ZDHHC18: variants seen among roughly 807,000 people sequenced by gnomAD.
ZDHHC18 encodes palmitoyltransferase ZDHHC18.
In ZDHHC18, 23 loss-of-function variants were observed where a neutral mutation model predicts 37.5. The ratio of observed to expected loss-of-function variants is 0.61; its 90% CI spans 0.44 to 0.87. The LOEUF (loss-of-function observed/expected upper bound fraction) is 0.87. Ranked by LOEUF, ZDHHC18 falls within the 40% of genes least tolerant of loss-of-function variation. The pLI is 0.00. For synonymous variants in ZDHHC18, 185 were observed against 218.7 expected (o/e 0.85, Z 1.36); for missense variants, 406 against 525.6 (o/e 0.77, Z 2.22).
chr1:26,852,876 G>T lies in ZDHHC18; in HGVS notation c.1049+11G>T, dbSNP rs148310742. On this transcript the variant is annotated intron_variant, in intron 7 of 7. Transcript: ENST00000374142. The stretch of plus-strand genomic sequence containing the variant: ...CCCCCTACCTCCCAGGTAAGTGAGC[G>T]GGGTGCGGAAGAGGGGTAACAGGGC... The T allele has an allele frequency of 6.2e-7, 1 of 1,612,844 alleles. No homozygotes were observed. Among genetic ancestry groups the T allele is most frequent in the East Asian group, 2.2e-5 (1 of 44,870 alleles).
intron 6 of ZDHHC18, among the ~76,000 whole-genome samples, chr1:26,851,734 C>CT (rs1267647223): frequency 2.0e-5 from 3 of 152,226 alleles, no homozygotes; most frequent in African/African-American, 4.8e-5. Flanking sequence ...CACACTGCCC[C>CT]TGTCAGCAGC....
intron 2 of ZDHHC18, among the ~76,000 whole-genome samples, chr1:26,840,673 C>T (rs1179222228): frequency 6.6e-6 from 1 of 152,096 alleles, no homozygotes; most frequent in African/African-American, 2.4e-5. Flanking sequence ...AACTCCTGAC[C>T]TCAGGTGATC....
chr1:26,840,866 C>T (rs1396507256), intron 2 of ZDHHC18, among the ~76,000 whole-genome samples: 4 of 151,996 alleles, frequency 2.6e-5, no homozygotes. Context: ...TTCAACTTTC[C>T]CTTCAACTGT....
intron 2 of ZDHHC18, among the ~76,000 whole-genome samples, chr1:26,847,654 A>G: frequency 6.6e-6 from 1 of 151,736 alleles, no homozygotes. Flanking sequence ...TTTAATTTAG[A>G]ATCATCTCCT....
At position 26,857,351 on chromosome 1, in the gene ZDHHC18, C is replaced by T. The variant is rs1178825838; in HGVS notation, c.*3508C>T. 6.6e-6 allele frequency: 1 copy of T among 152,178 alleles called. No individual in the cohort carries two copies. The highest frequency in any genetic ancestry group is 2.4e-5 in the African/African-American group (1 of 41,422). 9.4% of individuals were successfully genotyped at this position (152,178 alleles called of 1,614,324 possible). ...TAAGCACAACTGGCTTGATACTGTT[C>T]CCACGGCCTGTCCACCTCCCACCCC... On this transcript the variant is annotated 3_prime_UTR_variant, in exon 8 of 8. Coordinates refer to ENST00000374142, the MANE Select transcript of ZDHHC18 (RefSeq NM_032283.3).
intron 2 of ZDHHC18, among the ~76,000 whole-genome samples, chr1:26,845,082 G>A (rs1403553519): frequency 6.6e-6 from 1 of 151,782 alleles, no homozygotes; most frequent in Non-Finnish European, 1.5e-5. Flanking sequence ...GCGCCACCAT[G>A]CCCGGCTAAT....
rs2081727389 is a variant in ZDHHC18, at chr1:26,855,137, A to C, written c.*1294A>C. 6.6e-6 allele frequency: 1 copy of C among 152,326 alleles called. No homozygotes were observed. Among genetic ancestry groups the C allele is most frequent in the Non-Finnish European group, 1.5e-5 (1 of 68,110 alleles). 9.4% of individuals were successfully genotyped at this position (152,326 alleles called of 1,614,324 possible). The stretch of plus-strand genomic sequence containing the variant: ...TGAGGCTTCCAGCTGGGACCTGCCC[A>C]GACAGGCTGAGCCTGGGCGTGGTGG... On this transcript the variant is annotated 3_prime_UTR_variant, in exon 8 of 8. Coordinates refer to ENST00000374142, the MANE Select transcript of ZDHHC18 (RefSeq NM_032283.3).
intron 5 of ZDHHC18, 23 bp from the exon 6 acceptor site, chr1:26,851,106 T>G: frequency 6.2e-7 from 1 of 1,608,766 alleles, no homozygotes; most frequent in Admixed American, 1.7e-5. Context: ...CCTCCACCCA[T>G]TGAAGTCCTT....
intron 2 of ZDHHC18, among the ~76,000 whole-genome samples, chr1:26,845,676 C>T (rs2081660683): frequency 6.6e-6 from 1 of 151,804 alleles, no homozygotes; most frequent in South Asian, 2.1e-4. Flanking sequence ...ACTCTTCATT[C>T]TCTTAATGAT....
chr1:26,849,649 C>T (rs1370839379), intron 3 of ZDHHC18, among the ~76,000 whole-genome samples: 2 of 152,236 alleles, frequency 1.3e-5, no homozygotes, highest in East Asian at 1.9e-4. Flanking sequence ...TGTGCCTCCA[C>T]CCCCGGGGAC....
At chr1:26,847,618 C>T (rs1330673466) in intron 2 of ZDHHC18, among the ~76,000 whole-genome samples, 1 of 152,060 alleles carries the variant, frequency 6.6e-6, no homozygotes, top group Non-Finnish European at 1.5e-5. Context: ...TGATGTATTG[C>T]ATTTGTTTAT....
In ZDHHC18 at chr1:26,832,622, C is replaced by T. The variant is rs750766988; in HGVS notation, c.496+15C>T. The T allele has an allele frequency of 8.7e-6, 14 of 1,612,258 alleles. No homozygotes were observed. The East Asian group carries it at 2.9e-4, about 33-fold the overall frequency. ...GAAACAGATCGGTGAGGTTTCTACT[C>T]CCAGCTGAAGCTGGGTCTCCATAGC... is the stretch of plus-strand genomic sequence containing the variant. On this transcript the variant is annotated intron_variant, in intron 2 of 7. Coordinates refer to ENST00000374142, the MANE Select transcript of ZDHHC18 (RefSeq NM_032283.3).
At position 26,851,354 on chromosome 1, in the gene ZDHHC18, A is replaced by G. The variant is rs1396372600; in HGVS notation, c.936+123A>G. On this transcript the variant is annotated intron_variant, in intron 6 of 7. Coordinates refer to ENST00000374142, the MANE Select transcript of ZDHHC18 (RefSeq NM_032283.3). ...CGGACTGCTGGGATAATGCCTTTTA[A>G]GCAGCCAGATGCCTCCCAGTCATCT... is the stretch of plus-strand genomic sequence containing the variant. 6.5e-6 allele frequency: 6 copies of G among 920,846 alleles called. No individual in the cohort carries two copies. The East Asian group carries it at 1.5e-4, about 23-fold the overall frequency. The allele number at this position is 920,846 out of a possible 1,614,324, so 57.0% of individuals were successfully genotyped here.
intron 2 of ZDHHC18, among the ~76,000 whole-genome samples, chr1:26,834,274 G>C (rs1457001746): frequency 6.6e-6 from 1 of 152,188 alleles, no homozygotes. Flanking sequence ...GCCGTGTGCT[G>C]AGTGCTTTCC....
chr1:26,853,608 C>A, intron 7 of ZDHHC18, 118 bp from the exon 8 acceptor site: 1 of 985,436 alleles, frequency 1.0e-6, no homozygotes, highest in South Asian at 1.5e-5. Context: ...GCTCTCCTTT[C>A]CTCAGCCTTT....
intron 2 of ZDHHC18, among the ~76,000 whole-genome samples, chr1:26,841,324 G>A (rs1441472680): frequency 6.6e-6 from 1 of 152,084 alleles, no homozygotes; most frequent in Non-Finnish European, 1.5e-5. Flanking sequence ...TAGAGATGGG[G>A]TCTCACACTA....
intron 2 of ZDHHC18, 34 bp from the exon 3 acceptor site, chr1:26,848,574 G>A (rs1420288695): frequency 6.3e-7 from 1 of 1,597,800 alleles, no homozygotes; most frequent in Non-Finnish European, 8.6e-7. Context: ...GGCTGCCTTG[G>A]GCATTCCCCA....
chr1:26,831,002 C>G (rs944559603), intron 1 of ZDHHC18, among the ~76,000 whole-genome samples: 1 of 152,084 alleles, frequency 6.6e-6, no homozygotes, highest in Non-Finnish European at 1.5e-5. Flanking sequence ...AGGCTGGTCT[C>G]GAACTCCTGA....
intron 2 of ZDHHC18, among the ~76,000 whole-genome samples, chr1:26,841,748 C>T (rs2081640062): frequency 6.6e-6 from 1 of 152,120 alleles, no homozygotes; most frequent in South Asian, 2.1e-4. Context: ...TCCTGGGAGG[C>T]TAGCACTGTG....
Sources: gnomAD v4.1 joint callset for allele counts (sites outside exome capture counted in the v4.1 genomes callset) on GRCh38, gnomAD v4.1.1 for gene constraint, MANE v1.5 for transcripts, NCBI Gene and HGNC (gene_info 2026-07-23, HGNC 2026-07-21) for gene names.